Variants in CRACDL observed in about 807,000 individuals in gnomAD.
The protein encoded by CRACDL is CRACD like, also known as CRACD-like protein.
A neutral mutation model predicts 70.6 loss-of-function variants in CRACDL; 26 were observed. The ratio of observed to expected loss-of-function variants is 0.37; its 90% confidence interval spans 0.27 to 0.51. The LOEUF is 0.51. CRACDL is among the 20% of genes least tolerant of loss of function. The pLI, the probability that CRACDL is intolerant of heterozygous loss-of-function variation, is 0.94. For synonymous variants in CRACDL, 618 were observed against 615.2 expected (o/e 1.00, Z -0.07); for missense variants, 1,283 against 1,376.9 (o/e 0.93, Z 1.08).
At chr2:98,868,739 T>C (rs1305775418) in intron 1 of CRACDL, among the ~76,000 whole-genome samples, 1 of 152,188 alleles carries the variant, frequency 6.6e-6, no homozygotes, top group Non-Finnish European at 1.5e-5. Context: ...AACTATGCCA[T>C]GGAGATCCCA....
chr2:98,807,709 C>T (rs147718422), intron 7 of CRACDL, among the ~76,000 whole-genome samples: 14 of 152,300 alleles, frequency 9.2e-5, no homozygotes, highest in South Asian at 6.2e-4. Flanking sequence ...AAGCATTTAA[C>T]GTTAATACTT....
intron 1 of CRACDL, among the ~76,000 whole-genome samples, chr2:98,864,570 G>A (rs1416138280): frequency 1.4e-5 from 2 of 147,782 alleles, no homozygotes; most frequent in Non-Finnish European, 3.0e-5. Context: ...TTTTTGAGAC[G>A]GAGTCTCGTT....
intron 5 of CRACDL, 139 bp from the exon 6 acceptor site, chr2:98,827,308 T>C (rs1705347323): frequency 1.6e-6 from 1 of 628,228 alleles, no homozygotes. Flanking sequence ...AATACTTTCT[T>C]TTTTTTTCCC....
chr2:98,842,182 C>CTTG (rs1353987011), intron 2 of CRACDL, among the ~76,000 whole-genome samples: 2 of 152,018 alleles, frequency 1.3e-5, no homozygotes, highest in Admixed American at 6.6e-5. Flanking sequence ...CTCTATGCCC[C>CTTG]TTGTTCCCTT....
At chr2:98,871,537 G>A (rs1324639403) in intron 1 of CRACDL, among the ~76,000 whole-genome samples, 1 of 152,214 alleles carries the variant, frequency 6.6e-6, no homozygotes, top group African/African-American at 2.4e-5. Flanking sequence ...TCCCCATGAT[G>A]GCAGCTGCCT....
chr2:98,926,700 C>T (rs1302959535), intron 1 of CRACDL, among the ~76,000 whole-genome samples: 2 of 152,196 alleles, frequency 1.3e-5, no homozygotes, highest in African/African-American at 4.8e-5. Context: ...TGCACAAAGG[C>T]CTGTTTGAAG....
intron 1 of CRACDL, among the ~76,000 whole-genome samples, chr2:98,933,939 C>G (rs900576669): frequency 1.3e-5 from 2 of 152,142 alleles, no homozygotes; most frequent in Non-Finnish European, 2.9e-5. Context: ...GGTGGGGGCC[C>G]ATTCCTCATA....
intron 1 of CRACDL, among the ~76,000 whole-genome samples, chr2:98,893,520 G>A (rs559825163): frequency 2.4e-4 from 36 of 152,142 alleles, no homozygotes; most frequent in Non-Finnish European, 4.4e-5. Flanking sequence ...TCCTGACCTC[G>A]TGATCTGCCC....
chr2:98,795,636 T>C (rs115284565), intron 9 of CRACDL, among the ~76,000 whole-genome samples: 1,865 of 152,300 alleles, frequency 0.012, 33 homozygotes, highest in African/African-American at 0.043. Flanking sequence ...TTCATCACAG[T>C]TGTGCAACTC....
intron 1 of CRACDL, among the ~76,000 whole-genome samples, chr2:98,927,628 G>A (rs539687908): frequency 2.6e-5 from 4 of 152,174 alleles, no homozygotes; most frequent in South Asian, 2.1e-4. Flanking sequence ...AGACAAAAGC[G>A]CAAAAAATAC....
intron 7 of CRACDL, among the ~76,000 whole-genome samples, chr2:98,816,242 A>T (rs528057970): frequency 6.6e-6 from 1 of 152,192 alleles, no homozygotes; most frequent in African/African-American, 2.4e-5. Flanking sequence ...GTCCCCTGAT[A>T]CTCACTTTAT....
intron 1 of CRACDL, among the ~76,000 whole-genome samples, chr2:98,870,186 A>C (rs536872218): frequency 5.0e-4 from 76 of 152,306 alleles, no homozygotes; most frequent in African/African-American, 1.7e-3. Context: ...GTTTCCAGGC[A>C]ATATCTGGAG....
At position 98,822,932 on chromosome 2, in the gene CRACDL, C is replaced by T. The variant is rs779385494; in HGVS notation, c.1341G>A (p.Pro447=). 9 of 1,464,184 alleles carry T rather than the reference C, an allele frequency of 6.1e-6. No individual in the cohort carries two copies. Among genetic ancestry groups the T allele is most frequent in the South Asian group, 2.8e-5 (2 of 72,548 alleles). 90.7% of individuals were successfully genotyped at this position (1,464,184 alleles called of 1,614,324 possible). A position where few individuals can be genotyped will look rare whatever the true frequency, so the allele number is the denominator to read the frequency against. Reference sequence around the variant, plus strand: ...GCCCTGGGGGCCCCTTCTCCTCATCCGGGAGCACGGGCGGCGTCGGCTCCG... The same window carrying T: ...GCCCTGGGGGCCCCTTCTCCTCATCTGGGAGCACGGGCGGCGTCGGCTCCG... ...KEAEPTPPVL[P]DEEKGPPGPA... is the part of the protein sequence containing the mutation. The change falls in exon 7 of 10, where the codon CCG becomes CCA. Residue 447 remains proline, a synonymous_variant. Transcript: ENST00000397899. This position sits in a 1 kb window ranked among gnomAD's most constrained non-coding sequence, Gnocchi z 4.9.
intron 1 of CRACDL, among the ~76,000 whole-genome samples, chr2:98,926,229 T>G (rs1708905395): frequency 6.6e-6 from 1 of 152,212 alleles, no homozygotes; most frequent in Non-Finnish European, 1.5e-5. Context: ...TTGGTACATG[T>G]GAAATCAGTA....
intron 3 of CRACDL, 149 bp from the exon 4 acceptor site, chr2:98,833,146 G>A: frequency 1.4e-6 from 1 of 715,696 alleles, no homozygotes; most frequent in Non-Finnish European, 2.3e-6. Flanking sequence ...CCTGACTTCA[G>A]TTCATCCACA....
At chr2:98,868,633 A>C (rs1707233911) in intron 1 of CRACDL, among the ~76,000 whole-genome samples, 1 of 152,132 alleles carries the variant, frequency 6.6e-6, no homozygotes, top group Non-Finnish European at 1.5e-5. Flanking sequence ...CTATCAGTTG[A>C]ACACAAGTCC....
At chr2:98,898,331 C>T (rs1056417353) in intron 1 of CRACDL, among the ~76,000 whole-genome samples, 1 of 152,230 alleles carries the variant, frequency 6.6e-6, no homozygotes. Flanking sequence ...TCGCTAAGAG[C>T]GTGGGGAGAG....
In CRACDL at chr2:98,857,729, T is replaced by C. The variant is rs567237221; in HGVS notation, c.-10-10919A>G. Among the ~76,000 whole-genome samples, 50 of 152,166 alleles carry C rather than the reference T, an allele frequency of 3.3e-4. 1 individual carries two copies. In the South Asian group the frequency reaches 5.8e-3, roughly 18 times the overall value. On this transcript the variant is annotated intron_variant, in intron 1 of 9. Transcript: ENST00000397899. ...TACCAACGACATTAAATGCAAATGG[T>C]TTAAATAATCAATACCAGATAGAAC...
At position 98,855,012 on chromosome 2, in the gene CRACDL, G is replaced by A. The variant is rs193051733; in HGVS notation, c.-10-8202C>T. ...ATTATTAAAAAGAATGTTCTTGGCT[G>A]GGTGCGGCGGCTCACGCCTGTAATC... On this transcript the variant is annotated intron_variant, in intron 1 of 9. Coordinates refer to ENST00000397899, the MANE Select transcript of CRACDL (RefSeq NM_207362.3). Among the ~76,000 whole-genome samples, 1,024 of 152,316 alleles carry A rather than the reference G, an allele frequency of 6.7e-3. 8 individuals are homozygous for A. Among genetic ancestry groups the A allele is most frequent in the Middle Eastern group, 0.027 (8 of 292 alleles).
Sources: gnomAD v4.1 joint callset for allele counts (sites outside exome capture counted in the v4.1 genomes callset) on GRCh38, gnomAD v4.1.1 for gene constraint, Gnocchi (gnomAD v3.1) non-coding constraint, MANE v1.5 for transcripts, NCBI Gene and HGNC (gene_info 2026-07-23, HGNC 2026-07-21) for gene names.